CACHD1: variants seen among roughly 807,000 people sequenced by gnomAD.
CACHD1 encodes the protein VWFA and cache domain-containing protein 1.
A neutral mutation model predicts 138.7 loss-of-function variants in CACHD1; 71 were observed. The ratio of observed to expected loss-of-function variants is 0.51; its 90% confidence interval spans 0.42 to 0.62. CACHD1 has a LOEUF of 0.62. CACHD1 is among the 20% of genes least tolerant of loss of function. The pLI is 0.00. For synonymous variants in CACHD1, 578 were observed against 591.5 expected (o/e 0.98, Z 0.33); for missense variants, 1,389 against 1,625.3 (o/e 0.85, Z 2.50).
Position 64,647,890 on chromosome 1 carries a change from T to A in CACHD1, c.1246T>A (p.Leu416Met). 2 of 1,614,144 alleles carry A rather than the reference T, an allele frequency of 1.2e-6. No homozygotes were observed. The highest frequency in any genetic ancestry group is 2.2e-5 in the South Asian group (2 of 91,074). The change falls in exon 9 of 27, where the codon TTG (leucine) becomes ATG (methionine). Residue 416 changes from leucine to methionine, a missense_variant. By Grantham distance (15) the Leu-to-Met change is conservative. Transcript: ENST00000651257. ...GKYGVPDRMA[L>M]PVIKGSMMVL... ...GTACGGTGTGCCAGACCGGATGGCC[T>A]TGCCTGTGATTAAGGGCAGCATGAT...
intron 1 of CACHD1, among the ~76,000 whole-genome samples, chr1:64,520,042 C>T (rs305573): frequency 0.078 from 11,840 of 152,252 alleles, 555 homozygotes; most frequent in East Asian, 0.16. Context: ...TCCCAGCTGT[C>T]TTCTTTTAGT....
At chr1:64,685,709 G>A (rs1175600065) in intron 26 of CACHD1, among the ~76,000 whole-genome samples, 2 of 151,954 alleles carry the variant, frequency 1.3e-5, no homozygotes, top group Non-Finnish European at 2.9e-5. Flanking sequence ...ATGGTGGTAC[G>A]TGCCTGTAGT....
In CACHD1 at chr1:64,682,086, C is replaced by T. The variant is rs1557556291; in HGVS notation, c.3566C>T (p.Ser1189Leu). 1 of 1,614,042 alleles carries T rather than the reference C, an allele frequency of 6.2e-7. No homozygotes were observed. ...PERRRRYWGR[S>L]GTESDHGYST... The stretch of plus-strand genomic sequence containing the variant: ...AGAAGGCGCCGCTACTGGGGTCGAT[C>T]AGGAACAGAAAGTGATCATGGTAAG... Residue 1189 changes from serine to leucine, a missense_variant, in exon 26 of 27, where the codon TCA becomes TTA. Ser to Leu is a moderately radical substitution (Grantham distance 145). Transcript: ENST00000651257.
intron 1 of CACHD1, among the ~76,000 whole-genome samples, chr1:64,495,436 A>G (rs947458397): frequency 6.6e-6 from 1 of 152,052 alleles, no homozygotes; most frequent in Non-Finnish European, 1.5e-5. Context: ...TTTCTTTTTG[A>G]CCTTCTCTGT....
intron 1 of CACHD1, among the ~76,000 whole-genome samples, chr1:64,486,481 T>C (rs116672694): frequency 0.015 from 2,263 of 152,212 alleles, 67 homozygotes; most frequent in African/African-American, 0.052. Flanking sequence ...CTACTACAAA[T>C]TGATTTTCTT....
At chr1:64,487,773 A>G (rs1274381824) in intron 1 of CACHD1, among the ~76,000 whole-genome samples, 1 of 152,244 alleles carries the variant, frequency 6.6e-6, no homozygotes, top group Non-Finnish European at 1.5e-5. Flanking sequence ...TAGTAGAAGA[A>G]TTCAAATCAA....
intron 1 of CACHD1, among the ~76,000 whole-genome samples, chr1:64,525,685 A>G (rs193138894): frequency 1.3e-5 from 2 of 152,332 alleles, no homozygotes; most frequent in East Asian, 1.9e-4. Context: ...CACAGGTGCA[A>G]TGGCCTTAAC....
chr1:64,496,626 G>T (rs1007092688), intron 1 of CACHD1, among the ~76,000 whole-genome samples: 2 of 152,144 alleles, frequency 1.3e-5, no homozygotes, highest in African/African-American at 4.8e-5. Context: ...ACTAGAGTGT[G>T]TTCTACCTAA....
chr1:64,607,279 C>G (rs1485628332), intron 4 of CACHD1, among the ~76,000 whole-genome samples: 1 of 152,010 alleles, frequency 6.6e-6, no homozygotes, highest in Non-Finnish European at 1.5e-5. Flanking sequence ...TCCCTGAAGC[C>G]AAGTGAAGAA....
At chr1:64,635,258 T>A (rs774983089) in intron 7 of CACHD1, among the ~76,000 whole-genome samples, 3 of 152,164 alleles carry the variant, frequency 2.0e-5, no homozygotes, top group Non-Finnish European at 2.9e-5. Context: ...AGTGGAAGTC[T>A]GCTTGTGCAC....
intron 12 of CACHD1, among the ~76,000 whole-genome samples, chr1:64,657,451 G>T (rs1430790135): frequency 6.6e-6 from 1 of 151,902 alleles, no homozygotes; most frequent in Non-Finnish European, 1.5e-5. Flanking sequence ...TTTGTCTTTT[G>T]GTTCCTTGGA....
At chr1:64,680,700 C>T (rs1650146796) in intron 24 of CACHD1, among the ~76,000 whole-genome samples, 1 of 152,208 alleles carries the variant, frequency 6.6e-6, no homozygotes, top group Admixed American at 6.5e-5. Flanking sequence ...GTTAACTCAT[C>T]TTCCTGGCCA....
At chr1:64,530,598 C>T (rs758013705) in intron 1 of CACHD1, among the ~76,000 whole-genome samples, 7 of 151,992 alleles carry the variant, frequency 4.6e-5, no homozygotes, top group South Asian at 2.1e-4. Context: ...GCGCCAGGTG[C>T]GGTGGCTCAC....
At position 64,488,048 on chromosome 1, in the gene CACHD1, G is replaced by C. The variant is rs1449350439; in HGVS notation, c.198+17106G>C. Among the ~76,000 whole-genome samples, 6 of 152,058 alleles carry C rather than the reference G, an allele frequency of 3.9e-5. No homozygotes were observed. The East Asian group carries it at 1.2e-3, about 29-fold the overall frequency. On this transcript the variant is annotated intron_variant, in intron 1 of 26. Transcript: ENST00000651257. ...TCTGTTTGTCCATCTCTAATTTCTG[G>C]TTGGCTGTGTCTGTTCTATGATGAT...
rs1029219894 is a variant in CACHD1, at chr1:64,626,628, C to T, written c.518-2727C>T. On this transcript the variant is annotated intron_variant, in intron 4 of 26. Coordinates refer to ENST00000651257, the MANE Select transcript of CACHD1 (RefSeq NM_020925.4). ...TAGTTACCCTGCTGTAAAGCTCTCA[C>T]TCCCCTCCTCTTGCACATTGGTCAT... Among the ~76,000 whole-genome samples, 4 of 152,200 alleles carry T rather than the reference C, an allele frequency of 2.6e-5. 1 individual carries two copies. The highest frequency in any genetic ancestry group is 4.1e-4 in the South Asian group (2 of 4,836).
intron 1 of CACHD1, among the ~76,000 whole-genome samples, chr1:64,535,387 A>G (rs1458078514): frequency 2.7e-5 from 4 of 148,390 alleles, no homozygotes; most frequent in African/African-American, 1.0e-4. Flanking sequence ...GTGCAATGGC[A>G]TGATCTTGGC....
intron 3 of CACHD1, among the ~76,000 whole-genome samples, chr1:64,600,154 G>A (rs1282028847): frequency 6.6e-6 from 1 of 152,164 alleles, no homozygotes; most frequent in Admixed American, 6.5e-5. Flanking sequence ...AGCTGCAGAT[G>A]TACCTCAGAA....
chr1:64,675,846 TTACAG>T, intron 20 of CACHD1, 46 bp from the exon 21 acceptor site: 1 of 1,207,682 alleles, frequency 8.3e-7, no homozygotes, highest in Non-Finnish European at 1.2e-6. Flanking sequence ...CATGTACAAC[TTACAG>T]TTTGCCATTG....
intron 4 of CACHD1, among the ~76,000 whole-genome samples, chr1:64,606,574 G>C (rs557329775): frequency 6.6e-6 from 1 of 152,290 alleles, no homozygotes; most frequent in African/African-American, 2.4e-5. Flanking sequence ...TCATGTGGTG[G>C]GGTAGTTACA....
Sources: gnomAD v4.1 joint callset for allele counts (sites outside exome capture counted in the v4.1 genomes callset) on GRCh38, gnomAD v4.1.1 for gene constraint, MANE v1.5 for transcripts, NCBI Gene and HGNC (gene_info 2026-07-23, HGNC 2026-07-21) for gene names.